Variants in RPL10 observed in about 807,000 individuals in gnomAD.
RPL10 encodes large ribosomal subunit protein uL16.
A neutral mutation model predicts 15.7 loss-of-function variants in RPL10; 1 was observed. That is an observed-to-expected ratio of 0.06 (90% CI 0.02 to 0.30). RPL10 has a LOEUF of 0.30. Among genes scored for constraint, RPL10 ranks in the 10% least tolerant of loss-of-function variants. RPL10 has a pLI of 1.00. For synonymous variants in RPL10, 59 were observed against 64.0 expected (o/e 0.92, Z 0.37); for missense variants, 54 against 183.4 (o/e 0.29, Z 4.08).
Position 154,400,965 on chromosome X carries a change from C to A in RPL10, c.*111C>A, listed in dbSNP as rs889620018. The stretch of plus-strand genomic sequence containing the variant: ...ACGGGGAAGGAACTTCCTCTGGGAA[C>A]CTTTGGGTCATTGCCCTTTCACTTC... On this transcript the variant is annotated 3_prime_UTR_variant, in exon 7 of 7. Coordinates refer to ENST00000369817, the MANE Select transcript of RPL10 (RefSeq NM_006013.5). The A allele has an allele frequency of 8.5e-7, 1 of 1,179,282 alleles. No homozygotes were observed. Among genetic ancestry groups the A allele is most frequent in the Admixed American group, 2.4e-5 (1 of 41,490 alleles).
rs2068037958 is a variant in RPL10 at position 154,401,646 on chromosome X, A to T, written c.*792A>T. ...GTGGCCTGAGCATCTGTATCCAGGG[A>T]CAGGACTCCAAAGGCTTTTGGTCCC... On this transcript the variant is annotated 3_prime_UTR_variant, in exon 7 of 7. Transcript: ENST00000369817. 9.0e-6 allele frequency: 1 copy of T among 111,518 alleles called. No homozygotes were observed. The highest frequency in any genetic ancestry group is 1.9e-5 in the Non-Finnish European group (1 of 53,039). 9.2% of individuals were successfully genotyped at this position (111,518 alleles called of 1,213,427 possible). A position where few individuals can be genotyped will look rare whatever the true frequency, so the allele number is the denominator to read the frequency against.
At chrX:154,398,578 A>G (rs1557184945) in intron 2 of RPL10, 36 bp downstream of exon 2, 1 of 1,208,671 alleles carries the variant, frequency 8.3e-7, no homozygotes, top group South Asian at 1.8e-5. Flanking sequence ...ACTGCTGGGA[A>G]ACGGGCGGGG....
rs1922683525 is a variant in RPL10 at position 154,402,059 on chromosome X, C to T, written c.*1205C>T. 8.9e-6 allele frequency: 1 copy of T among 112,405 alleles called. No homozygotes were observed. The highest frequency in any genetic ancestry group is 1.9e-5 in the Non-Finnish European group (1 of 53,345). 9.3% of individuals were successfully genotyped at this position (112,405 alleles called of 1,213,427 possible). On this transcript the variant is annotated 3_prime_UTR_variant, in exon 7 of 7. Transcript: ENST00000369817. ...CAGATTTTCTGTGTGGAGATGTTGC[C>T]TTGACCAGCCTTGGCTGGACTTTAC... is the stretch of plus-strand genomic sequence containing the variant.
chrX:154,400,375 G>T, intron 5 of RPL10, 89 bp from the exon 6 acceptor site: 1 of 1,002,217 alleles, frequency 1.0e-6, no homozygotes, highest in Non-Finnish European at 1.4e-6. Context: ...TACGCAGCCT[G>T]TTGGTTGTAT....
At chrX:154,399,199 C>T (rs1260622057) in intron 2 of RPL10, 139 bp from the exon 3 acceptor site, 3 of 619,162 alleles carry the variant, frequency 4.8e-6, no homozygotes, top group Admixed American at 2.3e-5. Flanking sequence ...TTTATTTCCC[C>T]GAATGGAAAC....
chrX:154,398,154 T>C (rs2067949529), upstream of RPL10: 1 of 389,661 alleles, frequency 2.6e-6, no homozygotes, highest in Non-Finnish European at 4.7e-6. Flanking sequence ...CTCGCGACCA[T>C]GTGGCGAAGC....
intron 5 of RPL10, 103 bp downstream of exon 5, chrX:154,400,044 T>C: frequency 1.9e-6 from 2 of 1,040,709 alleles, no homozygotes; most frequent in Non-Finnish European, 2.7e-6. Context: ...TCAGCCACTA[T>C]GGCTACTAGA....
chrX:154,400,945 G>C lies in RPL10; in HGVS notation c.*91G>C. 8.4e-7 allele frequency: 1 copy of C among 1,193,464 alleles called. No homozygotes were observed. The highest frequency in any genetic ancestry group is 1.8e-5 in the African/African-American group (1 of 56,661). On this transcript the variant is annotated 3_prime_UTR_variant, in exon 7 of 7. Transcript: ENST00000369817. ...TCTTTGTATCTACATTCTTGACGGG[G>C]AAGGAACTTCCTCTGGGAACCTTTG...
At chrX:154,398,360 C>G (rs1557184809), upstream of RPL10, 1 of 661,151 alleles carries the variant, frequency 1.5e-6, no homozygotes, top group Admixed American at 2.2e-5. Flanking sequence ...ATAAGCCATG[C>G]GCAGGCGGAG....
upstream of RPL10, chrX:154,398,187 G>A (rs1557184712): frequency 2.3e-6 from 1 of 436,319 alleles, no homozygotes; most frequent in Non-Finnish European, 4.2e-6. Context: ...CTGGCCGCCC[G>A]CGGCCCTGGT....
At chrX:154,399,447 C>T (rs782051285) in intron 3 of RPL10, 40 bp from the exon 4 acceptor site, 2 of 1,207,663 alleles carry the variant, frequency 1.7e-6, no homozygotes. Flanking sequence ...ACTCCGCGTC[C>T]GTCTGTGACA....
intron 2 of RPL10, chrX:154,398,870 G>T (rs2067965202): frequency 1.6e-5 from 6 of 379,934 alleles, no homozygotes; most frequent in Non-Finnish European, 2.4e-5. Context: ...CGCGTGCGTT[G>T]TCGGACGTGA....
Position 154,401,129 on chromosome X carries a change from C to G in RPL10, c.*275C>G. On this transcript the variant is annotated 3_prime_UTR_variant, in exon 7 of 7. Coordinates refer to ENST00000369817, the MANE Select transcript of RPL10 (RefSeq NM_006013.5). ...GTCCTAGGCAGTAGGTTGAAAAACACTGAAGTGCTTTTCATGAAGCACAGC... is the reference window on the plus strand; with the variant it reads ...GTCCTAGGCAGTAGGTTGAAAAACAGTGAAGTGCTTTTCATGAAGCACAGC... 1 of 611,605 alleles carries G rather than the reference C, an allele frequency of 1.6e-6. No individual in the cohort carries two copies. The highest frequency in any genetic ancestry group is 4.3e-5 in the East Asian group (1 of 23,065). The allele number at this position is 611,605 out of a possible 1,213,427, so 50.4% of individuals were successfully genotyped here.
At position 154,399,322 on chromosome X, in the gene RPL10, T is replaced by C. The variant is rs1236856380; in HGVS notation, c.24-16T>C. 1.7e-6 allele frequency: 2 copies of C among 1,208,699 alleles called. No individual in the cohort carries two copies. Among genetic ancestry groups the C allele is most frequent in the Non-Finnish European group, 2.2e-6 (2 of 894,454 alleles). The stretch of plus-strand genomic sequence containing the variant: ...TGTGAACCTCACCTAACCTGTGTTT[T>C]TTCACTCCCCTGCAGTTACCGGTAT... On this transcript the variant is annotated splice_polypyrimidine_tract_variant and intron_variant, in intron 2 of 6. Transcript: ENST00000369817.
At chrX:154,398,355 C>G (rs1416204163), upstream of RPL10, 8 of 637,650 alleles carry the variant, frequency 1.3e-5, no homozygotes, top group African/African-American at 1.1e-4. Context: ...CCTATATAAG[C>G]CATGCGCAGG....
chrX:154,400,942 G>A lies in RPL10; in HGVS notation c.*88G>A, dbSNP rs374945049. On this transcript the variant is annotated 3_prime_UTR_variant, in exon 7 of 7. Coordinates refer to ENST00000369817, the MANE Select transcript of RPL10 (RefSeq NM_006013.5). The stretch of plus-strand genomic sequence containing the variant: ...ATGTCTTTGTATCTACATTCTTGAC[G>A]GGGAAGGAACTTCCTCTGGGAACCT... The A allele has an allele frequency of 6.7e-5, 80 of 1,192,885 alleles. No individual in the cohort carries two copies. The East Asian group carries it at 8.2e-4, about 12-fold the overall frequency.
chrX:154,398,865 G>T, intron 2 of RPL10: 1 of 385,922 alleles, frequency 2.6e-6, no homozygotes, highest in South Asian at 3.6e-5. Context: ...CGTGCCGCGT[G>T]CGTTGTCGGA....
In RPL10 at chrX:154,399,195, T is replaced by A. The variant is rs1603368320; in HGVS notation, c.24-143T>A. 6 of 606,301 alleles carry A rather than the reference T, an allele frequency of 9.9e-6. No homozygotes were observed. In the East Asian group the frequency reaches 2.0e-4, roughly 20 times the overall value. The allele number at this position is 606,301 out of a possible 1,213,427, so 50.0% of individuals were successfully genotyped here. ...GCCAACTGTTGCTTTGTAGTTTATT[T>A]CCCCGAATGGAAACGGTTTAGAAGT... On this transcript the variant is annotated intron_variant, in intron 2 of 6. Transcript: ENST00000369817.
chrX:154,400,282 C>T (rs371411230), intron 5 of RPL10, 182 bp from the exon 6 acceptor site: 60 of 600,418 alleles, frequency 1.0e-4, no homozygotes, highest in South Asian at 8.0e-4. Context: ...TGGGATGCTC[C>T]GCAGCCAATT....
Sources: allele counts gnomAD v4.1 joint callset, GRCh38; gene constraint gnomAD v4.1.1; transcripts MANE v1.5; gene names NCBI Gene and HGNC (gene_info 2026-07-23, HGNC 2026-07-21).